Variants in AK8 observed in about 807,000 individuals in gnomAD.
AK8 encodes ATP-AMP transphosphorylase 8.
AK8 carries 44 observed loss-of-function variants against 54.6 expected under a neutral mutation model. That is an observed-to-expected ratio of 0.81 (90% CI 0.63 to 1.04). AK8 has a LOEUF of 1.04. Among genes scored for constraint, AK8 ranks in the 50% least tolerant of loss-of-function variants. The pLI is 0.00. For synonymous variants in AK8, 239 were observed against 245.6 expected (o/e 0.97, Z 0.25); for missense variants, 555 against 613.6 (o/e 0.90, Z 1.01).
At chr9:132,871,641 G>A (rs770957184) in intron 2 of AK8, among the ~76,000 whole-genome samples, 6 of 152,220 alleles carry the variant, frequency 3.9e-5, no homozygotes, top group East Asian at 1.9e-4. Context: ...GAGACGGCAC[G>A]AGGCAGGTCT....
Position 132,878,246 on chromosome 9 carries a change from T to G in AK8, c.10A>C (p.Thr4Pro), listed in dbSNP as rs143313005. Residue 4 changes from threonine to proline, a missense_variant, in exon 1 of 13, where the codon ACT becomes CCT. By Grantham distance (38) the Thr-to-Pro change is conservative. Coordinates refer to ENST00000298545, the MANE Select transcript of AK8 (RefSeq NM_152572.3). This position sits in a 1 kb window ranked among gnomAD's most constrained non-coding sequence, Gnocchi z 4.7. ...GGGGGGATACGGTGCGGGGCGATAGTGGCGTCCATGTAGCCGTCTCGGCTC... is the reference window on the plus strand; with the variant it reads ...GGGGGGATACGGTGCGGGGCGATAGGGGCGTCCATGTAGCCGTCTCGGCTC... MDA[T>P]IAPHRIPPEM... The G allele has an allele frequency of 2.2e-6, 3 of 1,393,692 alleles. No homozygotes were observed. The highest frequency in any genetic ancestry group is 9.4e-7 in the Non-Finnish European group (1 of 1,066,038). 86.3% of individuals were successfully genotyped at this position (1,393,692 alleles called of 1,614,324 possible). A position where few individuals can be genotyped will look rare whatever the true frequency, so the allele number is the denominator to read the frequency against.
intron 2 of AK8, among the ~76,000 whole-genome samples, chr9:132,872,697 G>A (rs1250957929): frequency 2.0e-5 from 3 of 151,790 alleles, no homozygotes; most frequent in Non-Finnish European, 4.4e-5. Context: ...GCAGTGGTGC[G>A]ATCTCAGCTC....
intron 5 of AK8, among the ~76,000 whole-genome samples, chr9:132,845,036 C>T (rs961092556): frequency 1.4e-4 from 21 of 152,186 alleles, no homozygotes; most frequent in African/African-American, 4.1e-4. Context: ...GTGCCACCTC[C>T]GCAAGGTTGC....
At chr9:132,834,323 T>G (rs1842231066) in intron 5 of AK8, among the ~76,000 whole-genome samples, 1 of 152,072 alleles carries the variant, frequency 6.6e-6, no homozygotes, top group Non-Finnish European at 1.5e-5. Context: ...CATAAAAAAA[T>G]CTGACATCAC....
intron 11 of AK8, among the ~76,000 whole-genome samples, chr9:132,749,827 C>T (rs1837821288): frequency 6.6e-6 from 1 of 151,826 alleles, no homozygotes; most frequent in African/African-American, 2.4e-5. Flanking sequence ...GGAAAGCCCA[C>T]AGCCAGGAGC....
chr9:132,862,432 A>G (rs1429307711), intron 4 of AK8, among the ~76,000 whole-genome samples: 1 of 151,918 alleles, frequency 6.6e-6, no homozygotes, highest in African/African-American at 2.4e-5. Flanking sequence ...GGTTTGAGCA[A>G]TTCTCCTGCC....
At chr9:132,854,051 AT>A (rs1179032653) in intron 5 of AK8, among the ~76,000 whole-genome samples, 2 of 151,944 alleles carry the variant, frequency 1.3e-5, no homozygotes, top group African/African-American at 4.8e-5. Flanking sequence ...AAGTACAAAA[AT>A]TAGCTGGGTG....
chr9:132,876,859 G>T (rs1210383969), intron 1 of AK8, among the ~76,000 whole-genome samples: 2 of 151,946 alleles, frequency 1.3e-5, no homozygotes, highest in African/African-American at 4.8e-5. Context: ...AGGAGTTCAA[G>T]ACCAGTCCGG....
chr9:132,805,853 C>T (rs750760516), intron 10 of AK8, among the ~76,000 whole-genome samples: 3 of 151,842 alleles, frequency 2.0e-5, no homozygotes, highest in Non-Finnish European at 2.9e-5. Flanking sequence ...GCAGTCCCAG[C>T]GGAAAAGTCA....
At chr9:132,846,504 GATGAATGA>G (rs56358230) in intron 5 of AK8, among the ~76,000 whole-genome samples, 36,315 of 150,800 alleles carry the variant, frequency 0.24, 4,654 homozygotes, top group East Asian at 0.36. Flanking sequence ...TGAGAGAATA[GATGAATGA>G]ATGAATGAAT....
chr9:132,854,642 T>C (rs1312920923), intron 5 of AK8, among the ~76,000 whole-genome samples: 1 of 152,232 alleles, frequency 6.6e-6, no homozygotes, highest in Non-Finnish European at 1.5e-5. Context: ...AGCTATTTCC[T>C]ACGGGAACCC....
intron 11 of AK8, among the ~76,000 whole-genome samples, chr9:132,755,440 C>A (rs1176703781): frequency 6.6e-6 from 1 of 152,148 alleles, no homozygotes; most frequent in Non-Finnish European, 1.5e-5. Context: ...CTGTGAAGGA[C>A]AGTAGTTAGC....
intron 10 of AK8, among the ~76,000 whole-genome samples, chr9:132,805,088 G>A (rs1840656635): frequency 6.6e-6 from 1 of 152,224 alleles, no homozygotes; most frequent in Admixed American, 6.5e-5. Flanking sequence ...CCCGACTGGA[G>A]AAGAAGGCCC....
intron 11 of AK8, among the ~76,000 whole-genome samples, chr9:132,731,548 G>A (rs1836846899): frequency 6.6e-6 from 1 of 152,206 alleles, no homozygotes; most frequent in Non-Finnish European, 1.5e-5. Context: ...TGGACAGGCT[G>A]TGCTTCTGCT....
chr9:132,840,745 TAGTC>T (rs1373291423), intron 5 of AK8, among the ~76,000 whole-genome samples: 7 of 151,762 alleles, frequency 4.6e-5, no homozygotes, highest in Admixed American at 1.3e-4. Flanking sequence ...ATACAAAAAT[TAGTC>T]AGTTGTGGTG....
At chr9:132,874,081 C>A (rs1467655118) in intron 2 of AK8, among the ~76,000 whole-genome samples, 1 of 152,216 alleles carries the variant, frequency 6.6e-6, no homozygotes, top group African/African-American at 2.4e-5. Flanking sequence ...CAGTCAACAT[C>A]CGCTGAACAA....
At chr9:132,772,469 C>T (rs1839025652) in intron 11 of AK8, among the ~76,000 whole-genome samples, 1 of 152,198 alleles carries the variant, frequency 6.6e-6, no homozygotes, top group African/African-American at 2.4e-5. Context: ...CAGAGAGGCA[C>T]CCAGGGCACA....
At chr9:132,754,037 T>C (rs1838074464) in intron 11 of AK8, among the ~76,000 whole-genome samples, 1 of 152,164 alleles carries the variant, frequency 6.6e-6, no homozygotes, top group South Asian at 2.1e-4. Flanking sequence ...CCACACTGTC[T>C]GTCTCTAAAG....
At chr9:132,841,289 G>A (rs1842532751) in intron 5 of AK8, among the ~76,000 whole-genome samples, 1 of 152,162 alleles carries the variant, frequency 6.6e-6, no homozygotes, top group African/African-American at 2.4e-5. Context: ...ATGTGAACCC[G>A]AGCCACGTGT....
Sources: allele counts gnomAD v4.1 joint callset (sites outside exome capture counted in the v4.1 genomes callset), GRCh38; gene constraint gnomAD v4.1.1; non-coding constraint Gnocchi (gnomAD v3.1); transcripts MANE v1.5; gene names NCBI Gene and HGNC (gene_info 2026-07-23, HGNC 2026-07-21).